Variants in KCNQ3 observed in about 807,000 individuals in gnomAD.
The protein encoded by KCNQ3 is potassium voltage-gated channel subfamily KQT member 3.
In KCNQ3, 30 loss-of-function variants were observed where a neutral mutation model predicts 92.5. That is an observed-to-expected ratio of 0.32 (90% CI 0.24 to 0.44). The LOEUF (loss-of-function observed/expected upper bound fraction) is 0.44. Among genes scored for constraint, KCNQ3 ranks in the 20% least tolerant of loss-of-function variants. The pLI is 1.00. For synonymous variants in KCNQ3, 450 were observed against 468.8 expected (o/e 0.96, Z 0.52); for missense variants, 913 against 1,140.3 (o/e 0.80, Z 2.87).
At chr8:132,386,353 T>A (rs914377950) in intron 1 of KCNQ3, among the ~76,000 whole-genome samples, 1 of 152,092 alleles carries the variant, frequency 6.6e-6, no homozygotes. Context: ...AATTGAAATA[T>A]AAATCAGAGC....
intron 7 of KCNQ3, among the ~76,000 whole-genome samples, chr8:132,172,002 A>T (rs1316828402): frequency 6.6e-6 from 1 of 152,074 alleles, no homozygotes; most frequent in East Asian, 1.9e-4. Flanking sequence ...CAAAAAAAAA[A>T]AATTAAAAAA....
chr8:132,254,889 T>G (rs1244609815), intron 1 of KCNQ3, among the ~76,000 whole-genome samples: 1 of 151,964 alleles, frequency 6.6e-6, no homozygotes, highest in Non-Finnish European at 1.5e-5. Context: ...TAATAATAAT[T>G]AATAAAAAAG....
At chr8:132,143,137 C>A (rs1357064206) in intron 9 of KCNQ3, among the ~76,000 whole-genome samples, 7 of 152,164 alleles carry the variant, frequency 4.6e-5, no homozygotes, top group African/African-American at 1.4e-4. Context: ...CAGCACTGTT[C>A]CAGCAGTTTG....
intron 1 of KCNQ3, among the ~76,000 whole-genome samples, chr8:132,223,366 C>G (rs535320905): frequency 6.6e-6 from 1 of 152,198 alleles, no homozygotes; most frequent in African/African-American, 2.4e-5. Flanking sequence ...ACTGTAATCC[C>G]ACGTGAGAGG....
intron 1 of KCNQ3, among the ~76,000 whole-genome samples, chr8:132,225,658 A>C (rs970110674): frequency 6.6e-6 from 1 of 152,192 alleles, no homozygotes; most frequent in African/African-American, 2.4e-5. Flanking sequence ...GGCAGCTTGA[A>C]ATGGGTTATC....
At chr8:132,238,255 A>C (rs1305797161) in intron 1 of KCNQ3, among the ~76,000 whole-genome samples, 1 of 152,158 alleles carries the variant, frequency 6.6e-6, no homozygotes, top group Non-Finnish European at 1.5e-5. Flanking sequence ...TCTCCCTCCT[A>C]GATAAGCAAG....
chr8:132,308,182 G>A lies in KCNQ3; in HGVS notation c.387-122001C>T, dbSNP rs1817487830. On this transcript the variant is annotated intron_variant, in intron 1 of 14. Transcript: ENST00000388996. ...TTGAGGTTGAATAAAAACAGAGCTG[G>A]GCTATGAGGTTCCACCTGACTTTGA... is the stretch of plus-strand genomic sequence containing the variant. Among the ~76,000 whole-genome samples, 6 of 152,274 alleles carry A rather than the reference G, an allele frequency of 3.9e-5. 1 individual carries two copies. In the South Asian group the frequency reaches 1.2e-3, roughly 32 times the overall value.
intron 1 of KCNQ3, among the ~76,000 whole-genome samples, chr8:132,273,525 G>A (rs1213608747): frequency 2.6e-5 from 4 of 152,340 alleles, no homozygotes; most frequent in South Asian, 4.1e-4. Flanking sequence ...TCTGACATGC[G>A]TTGGAGACAT....
At chr8:132,443,152 G>C (rs1485502995) in intron 1 of KCNQ3, among the ~76,000 whole-genome samples, 1 of 152,200 alleles carries the variant, frequency 6.6e-6, no homozygotes, top group African/African-American at 2.4e-5. Context: ...AAGGTAGGGA[G>C]GGGGTCGGGG....
At chr8:132,403,201 A>T (rs1434881951) in intron 1 of KCNQ3, among the ~76,000 whole-genome samples, 4 of 150,224 alleles carry the variant, frequency 2.7e-5, no homozygotes, top group Non-Finnish European at 4.4e-5. Context: ...TCTATTATTA[A>T]TTTTTTTAAA....
intron 1 of KCNQ3, among the ~76,000 whole-genome samples, chr8:132,276,661 G>T (rs1472657140): frequency 2.6e-5 from 4 of 152,094 alleles, no homozygotes; most frequent in African/African-American, 7.2e-5. Flanking sequence ...GGCTGCACCT[G>T]CATTGTTTTG....
chr8:132,276,578 C>T lies in KCNQ3; in HGVS notation c.387-90397G>A, dbSNP rs73710506. Among the ~76,000 whole-genome samples, 1,205 of 152,304 alleles carry T rather than the reference C, an allele frequency of 7.9e-3. 15 individuals are homozygous for T. Among genetic ancestry groups the T allele is most frequent in the African/African-American group, 0.028 (1,158 of 41,554 alleles). On this transcript the variant is annotated intron_variant, in intron 1 of 14. Coordinates refer to ENST00000388996, the MANE Select transcript of KCNQ3 (RefSeq NM_004519.4). ...TCCAGGCAGCGATGGGTATTTAAAA[C>T]TACTTCCTCATGTTGACTCACAATG...
At chr8:132,180,023 C>T (rs1463809568) in intron 4 of KCNQ3, 134 bp downstream of exon 4, 3 of 1,028,586 alleles carry the variant, frequency 2.9e-6, no homozygotes, top group African/African-American at 1.6e-5. Flanking sequence ...TCCTCCTCCT[C>T]TTCCTCTTTG....
At chr8:132,446,918 T>C (rs1487845504) in intron 1 of KCNQ3, among the ~76,000 whole-genome samples, 1 of 152,132 alleles carries the variant, frequency 6.6e-6, no homozygotes, top group East Asian at 1.9e-4. Flanking sequence ...ACGTGAGTGG[T>C]GTGTGAGACA....
intron 1 of KCNQ3, among the ~76,000 whole-genome samples, chr8:132,291,874 T>C (rs1816845731): frequency 6.6e-6 from 1 of 152,188 alleles, no homozygotes; most frequent in Non-Finnish European, 1.5e-5. Context: ...AAAAGATTAC[T>C]TGGCCTCCAT....
At chr8:132,295,992 T>C (rs1817009389) in intron 1 of KCNQ3, among the ~76,000 whole-genome samples, 1 of 152,204 alleles carries the variant, frequency 6.6e-6, no homozygotes, top group Non-Finnish European at 1.5e-5. Flanking sequence ...CATTTACCTA[T>C]GTAACAAACT....
intron 1 of KCNQ3, among the ~76,000 whole-genome samples, chr8:132,449,000 G>A (rs948905821): frequency 3.3e-5 from 5 of 152,270 alleles, no homozygotes; most frequent in African/African-American, 7.2e-5. Flanking sequence ...GAAGAGCACC[G>A]GCTTCGGTGT....
chr8:132,171,339 A>G (rs17575663), intron 7 of KCNQ3, among the ~76,000 whole-genome samples: 1 of 152,090 alleles, frequency 6.6e-6, no homozygotes. Flanking sequence ...CACTCACTAC[A>G]ACTGGAGAAA....
intron 1 of KCNQ3, among the ~76,000 whole-genome samples, chr8:132,282,576 T>G (rs1436556240): frequency 6.6e-6 from 1 of 152,182 alleles, no homozygotes. Flanking sequence ...CTTTTTGTGT[T>G]TGCATTTTCC....
Sources: gnomAD v4.1 joint callset for allele counts (sites outside exome capture counted in the v4.1 genomes callset) on GRCh38, gnomAD v4.1.1 for gene constraint, MANE v1.5 for transcripts, NCBI Gene and HGNC (gene_info 2026-07-23, HGNC 2026-07-21) for gene names.